Variants in BIN3 observed in about 807,000 individuals in gnomAD.
BIN3 encodes bridging integrator 3.
BIN3 carries 41 observed loss-of-function variants against 38.2 expected under a neutral mutation model. The ratio of observed to expected loss-of-function variants is 1.07; its 90% CI spans 0.84 to 1.39. The LOEUF (loss-of-function observed/expected upper bound fraction) is 1.39. Ranked by LOEUF, BIN3 falls within the 40% of genes most tolerant of loss-of-function variation. The probability of loss-of-function intolerance (pLI) is 0.00; values close to 1 mark genes in which losing one functional copy is unlikely to be tolerated. For missense variants in BIN3, 361 were observed against 324.3 expected (o/e 1.11, Z -0.87); for synonymous variants, 145 against 122.6 (o/e 1.18, Z -1.21).
chr8:22,634,532 TAAA>T, intron 4 of BIN3: 2 of 455,562 alleles, frequency 4.4e-6, no homozygotes, highest in Non-Finnish European at 8.8e-6. Context: ...GGAGCTGGCA[TAAA>T]ATGGGAACAA....
chr8:22,651,247 C>T (rs1367477859), intron 1 of BIN3, among the ~76,000 whole-genome samples: 1 of 152,120 alleles, frequency 6.6e-6, no homozygotes, highest in Non-Finnish European at 1.5e-5. Context: ...GTACTTATCC[C>T]CAATTCAATC....
At chr8:22,644,124 G>A (rs1403347352) in intron 2 of BIN3, among the ~76,000 whole-genome samples, 4 of 152,256 alleles carry the variant, frequency 2.6e-5, no homozygotes, top group African/African-American at 4.8e-5. Context: ...GGAAAAATCA[G>A]GAGGTTGGAC....
chr8:22,624,371 A>C lies in BIN3; in HGVS notation c.339-8T>G. The C allele has an allele frequency of 6.2e-7, 1 of 1,610,618 alleles. No individual in the cohort carries two copies. The highest frequency in any genetic ancestry group is 8.5e-7 in the Non-Finnish European group (1 of 1,177,872). On this transcript the variant is annotated splice_region_variant and splice_polypyrimidine_tract_variant and intron_variant, in intron 6 of 8. Coordinates refer to ENST00000276416, the MANE Select transcript of BIN3 (RefSeq NM_018688.6). ...GGGAAGACACTGCCGAACCTGTGGG[A>C]CAAGCTGGCTGGAGATGGGCCCGTT...
chr8:22,634,620 G>T (rs1233616488), intron 4 of BIN3: 1 of 440,068 alleles, frequency 2.3e-6, no homozygotes, highest in Non-Finnish European at 4.6e-6. Context: ...GAGCACACTG[G>T]TCCTCAAGTC....
intron 1 of BIN3, among the ~76,000 whole-genome samples, chr8:22,658,982 G>A (rs1014743744): frequency 1.3e-5 from 2 of 152,236 alleles, no homozygotes; most frequent in African/African-American, 4.8e-5. Flanking sequence ...GGGGCCTTCT[G>A]TTACTCTATC....
At chr8:22,655,995 T>C (rs918269099) in intron 1 of BIN3, among the ~76,000 whole-genome samples, 1 of 152,190 alleles carries the variant, frequency 6.6e-6, no homozygotes. Context: ...AAATCCCTTC[T>C]CATTAAAAAT....
chr8:22,633,715 A>G (rs944637966), intron 4 of BIN3, among the ~76,000 whole-genome samples: 3 of 152,348 alleles, frequency 2.0e-5, no homozygotes, highest in African/African-American at 2.4e-5. Flanking sequence ...ATCACCTGGG[A>G]ACTCCAGGGA....
At chr8:22,645,038 C>A in intron 1 of BIN3, 1 of 479,024 alleles carries the variant, frequency 2.1e-6, no homozygotes, top group Non-Finnish European at 3.9e-6. Context: ...TGCCCCAGAA[C>A]ATCTTTGCTA....
Position 22,636,471 on chromosome 8 carries a change from G to A in BIN3, c.160+54C>T, listed in dbSNP as rs1305435219. 3.3e-6 allele frequency: 5 copies of A among 1,512,532 alleles called. No individual in the cohort carries two copies. The African/African-American group carries it at 5.5e-5, about 17-fold the overall frequency. The allele number at this position is 1,512,532 out of a possible 1,614,324, so 93.7% of individuals were successfully genotyped here. A position where few individuals can be genotyped will look rare whatever the true frequency, so the allele number is the denominator to read the frequency against. On this transcript the variant is annotated intron_variant, in intron 4 of 8. Coordinates refer to ENST00000276416, the MANE Select transcript of BIN3 (RefSeq NM_018688.6). ...CCTTGGGGGGCTGAGAGAGGAGGGT[G>A]CCCACCTCTGCCCCACCTGCTCAAG...
intron 1 of BIN3, among the ~76,000 whole-genome samples, chr8:22,650,687 T>C (rs1802862186): frequency 6.6e-6 from 1 of 152,252 alleles, no homozygotes; most frequent in Admixed American, 6.5e-5. Flanking sequence ...ACTGAGTTTC[T>C]AGTATTTACC....
At chr8:22,624,572 G>A in intron 6 of BIN3, 1 of 591,284 alleles carries the variant, frequency 1.7e-6, no homozygotes, top group South Asian at 2.2e-5. Flanking sequence ...CTGTGAACAA[G>A]ACAGATGAGG....
intron 8 of BIN3, among the ~76,000 whole-genome samples, chr8:22,623,605 G>A (rs1356598272): frequency 2.0e-5 from 3 of 152,236 alleles, no homozygotes; most frequent in Non-Finnish European, 2.9e-5. Flanking sequence ...ACTTGAGGGT[G>A]CGGGGCAGAG....
intron 2 of BIN3, chr8:22,644,520 C>T (rs1218903054): frequency 2.9e-5 from 15 of 509,834 alleles, no homozygotes; most frequent in Non-Finnish European, 4.7e-5. Context: ...CCACCCATTC[C>T]CCCTGCCCAA....
At chr8:22,658,249 C>A (rs566517754) in intron 1 of BIN3, among the ~76,000 whole-genome samples, 74 of 152,226 alleles carry the variant, frequency 4.9e-4, no homozygotes, top group African/African-American at 1.5e-3. Flanking sequence ...TCTTCTCCAA[C>A]CCCCAACTGC....
intron 2 of BIN3, among the ~76,000 whole-genome samples, chr8:22,638,029 C>T (rs1003329331): frequency 2.6e-5 from 4 of 152,224 alleles, no homozygotes; most frequent in African/African-American, 9.6e-5. Context: ...AGCCTGTGTT[C>T]GTAACCATCA....
chr8:22,621,187 A>G lies in BIN3; in HGVS notation c.*235T>C. The G allele has an allele frequency of 1.8e-6, 1 of 548,600 alleles. No homozygotes were observed. Among genetic ancestry groups the G allele is most frequent in the Non-Finnish European group, 3.2e-6 (1 of 311,122 alleles). The allele number at this position is 548,600 out of a possible 1,614,324, so 34.0% of individuals were successfully genotyped here. A position where few individuals can be genotyped will look rare whatever the true frequency, so the allele number is the denominator to read the frequency against. ...GCATGCTGGACGGTTCTCCAAATAA[A>G]AAAGCCCCAAGGGTTTGTCTACACT... On this transcript the variant is annotated 3_prime_UTR_variant, in exon 9 of 9. Transcript: ENST00000276416.
chr8:22,628,053 G>A (rs552618754), intron 6 of BIN3, among the ~76,000 whole-genome samples: 31 of 152,366 alleles, frequency 2.0e-4, no homozygotes, highest in Non-Finnish European at 3.7e-4. Context: ...TGGGAGGGGC[G>A]AAGAGGAGAA....
At chr8:22,629,871 G>C in intron 6 of BIN3, 93 bp downstream of exon 6, 1 of 1,253,176 alleles carries the variant, frequency 8.0e-7, no homozygotes, top group Non-Finnish European at 1.1e-6. Context: ...GGAATCTGGG[G>C]ACACGCAGCT....
rs1294920454 is a variant in BIN3 at position 22,630,507 on chromosome 8, G to A, written c.232C>T (p.Leu78Phe). 23 of 1,613,898 alleles carry A rather than the reference G, an allele frequency of 1.4e-5. No homozygotes were observed. The highest frequency in any genetic ancestry group is 2.2e-5 in the East Asian group (1 of 44,900). Residue 78 changes from leucine to phenylalanine, a missense_variant, in exon 5 of 9, where the codon CTT becomes TTT. By Grantham distance (22) the Leu-to-Phe change is conservative. Transcript: ENST00000276416. Reference protein sequence around the residue: ...SNPLCEQDQDLLNMVTALDTA... With the variant: ...SNPLCEQDQDFLNMVTALDTA... ...TCCAGGGCCGTCACCATGTTCAGAA[G>A]GTCCTGGTCTTGCTCACAGAGGGGA...
Sources: gnomAD v4.1 joint callset for allele counts (sites outside exome capture counted in the v4.1 genomes callset) on GRCh38, gnomAD v4.1.1 for gene constraint, MANE v1.5 for transcripts, NCBI Gene and HGNC (gene_info 2026-07-23, HGNC 2026-07-21) for gene names.